PRORP: variants seen among roughly 807,000 people sequenced by gnomAD.
The protein encoded by PRORP is mitochondrial ribonuclease P catalytic subunit.
A neutral mutation model predicts 59.4 loss-of-function variants in PRORP; 51 were observed. That is an observed-to-expected ratio of 0.86 (90% CI 0.69 to 1.08). PRORP has a LOEUF of 1.08. Ranked by LOEUF, PRORP falls within the 50% of genes least tolerant of loss-of-function variation. PRORP has a pLI of 0.00. For missense variants in PRORP, 646 were observed against 690.3 expected (o/e 0.94, Z 0.72); for synonymous variants, 231 against 245.6 (o/e 0.94, Z 0.55).
chr14:35,178,033 A>G (rs373951422), intron 4 of PRORP, among the ~76,000 whole-genome samples: 11 of 152,222 alleles, frequency 7.2e-5, no homozygotes, highest in South Asian at 2.1e-4. Flanking sequence ...AGGTTGTTCA[A>G]TTTCCATGTA....
At position 35,202,115 on chromosome 14, in the gene PRORP, G is replaced by A. The variant is rs1262752489; in HGVS notation, c.1275+21338G>A. The stretch of plus-strand genomic sequence containing the variant: ...CTCCCGAGTAGCTGGGACTACAGGC[G>A]CCCGCCACCACGCCCGGCTAACTTT... On this transcript the variant is annotated intron_variant, in intron 5 of 7. Coordinates refer to ENST00000534898, the MANE Select transcript of PRORP (RefSeq NM_014672.4). 2.6e-5 allele frequency among the ~76,000 whole-genome samples: 4 copies of A among 151,384 alleles called. No individual in the cohort carries two copies. The South Asian group carries it at 6.3e-4, about 24-fold the overall frequency.
rs1427442577 is a variant in PRORP, at chr14:35,138,745, A to C, written c.1167+11134A>C. Among the ~76,000 whole-genome samples, 3 of 144,812 alleles carry C rather than the reference A, an allele frequency of 2.1e-5. 1 individual carries two copies. The highest frequency in any genetic ancestry group is 4.6e-5 in the Non-Finnish European group (3 of 65,320). The stretch of plus-strand genomic sequence containing the variant: ...TTCAACTGTGGCTGCTGGTTAGAAT[A>C]CTTGGGAAGTGTTTAAAACTGCTAC... On this transcript the variant is annotated intron_variant, in intron 4 of 7. Coordinates refer to ENST00000534898, the MANE Select transcript of PRORP (RefSeq NM_014672.4).
chr14:35,128,419 T>A (rs763503012), intron 4 of PRORP, among the ~76,000 whole-genome samples: 3 of 152,154 alleles, frequency 2.0e-5, no homozygotes, highest in Non-Finnish European at 1.5e-5. Context: ...GGATTGCTAT[T>A]ATTCTTTAAA....
At chr14:35,256,806 A>G (rs192356054) in intron 5 of PRORP, among the ~76,000 whole-genome samples, 12 of 152,058 alleles carry the variant, frequency 7.9e-5, no homozygotes, top group Middle Eastern at 3.4e-3. Flanking sequence ...CGATGGGTAC[A>G]TGGCAGTTCA....
chr14:35,220,893 T>G (rs1336508855), intron 5 of PRORP, among the ~76,000 whole-genome samples: 2 of 152,130 alleles, frequency 1.3e-5, no homozygotes, highest in Non-Finnish European at 2.9e-5. Context: ...ACAAATAAAT[T>G]GCAAGACACT....
Position 35,123,765 on chromosome 14 carries a change from A to C in PRORP, c.520A>C (p.Ser174Arg). The change falls in exon 2 of 8, where the codon AGT (serine) becomes CGT (arginine). Residue 174 changes from serine to arginine, a missense_variant. Transcript: ENST00000534898. ...AGCAGCCAAAAATAATGGTATTGTA[A>C]GTTACGATTTACTGGTCAAGTATTT... ...WVAAKNNGIV[S>R]YDLLVKYLYL... 1 of 1,614,206 alleles carries C rather than the reference A, an allele frequency of 6.2e-7. No individual in the cohort carries two copies. The highest frequency in any genetic ancestry group is 8.5e-7 in the Non-Finnish European group (1 of 1,180,026).
intron 7 of PRORP, 34 bp from the exon 8 acceptor site, chr14:35,273,401 T>C: frequency 6.3e-7 from 1 of 1,586,404 alleles, no homozygotes; most frequent in Non-Finnish European, 8.6e-7. Context: ...TTTAGTGTTG[T>C]TCTCAATGTT....
chr14:35,239,038 G>T (rs778963274), intron 5 of PRORP, among the ~76,000 whole-genome samples: 10 of 152,018 alleles, frequency 6.6e-5, no homozygotes, highest in Non-Finnish European at 1.0e-4. Context: ...GCTGTGACTT[G>T]CCCAGAGGTA....
rs2050179004 is a variant in PRORP at position 35,235,215 on chromosome 14, C to T, written c.1276-31512C>T. On this transcript the variant is annotated intron_variant, in intron 5 of 7. Transcript: ENST00000534898. The stretch of plus-strand genomic sequence containing the variant: ...GAAAGTTCTTTAGCCTTTGCCTTTT[C>T]GAGCTTGGTGATGCGAGCCACAGAC... The T allele has an allele frequency of 1.4e-5, 10 of 716,580 alleles. No individual in the cohort carries two copies. In the East Asian group the frequency reaches 1.6e-4, roughly 11 times the overall value. 44.4% of individuals were successfully genotyped at this position (716,580 alleles called of 1,614,324 possible).
intron 5 of PRORP, among the ~76,000 whole-genome samples, chr14:35,186,313 G>C (rs1398691178): frequency 6.6e-6 from 1 of 150,982 alleles, no homozygotes; most frequent in Non-Finnish European, 1.5e-5. Context: ...TGGAGACTTG[G>C]CCAAGTCATG....
intron 4 of PRORP, among the ~76,000 whole-genome samples, chr14:35,132,020 A>G (rs2047254095): frequency 6.6e-6 from 1 of 150,824 alleles, no homozygotes; most frequent in South Asian, 2.1e-4. Flanking sequence ...TTGTATTTTT[A>G]GTAGCGACGG....
chr14:35,131,929 T>C (rs1228937108), intron 4 of PRORP, among the ~76,000 whole-genome samples: 5 of 151,824 alleles, frequency 3.3e-5, no homozygotes, highest in Non-Finnish European at 7.4e-5. Flanking sequence ...AACCTCCGCC[T>C]CCCAGGTTCA....
chr14:35,271,117 A>G (rs548075765), intron 7 of PRORP, among the ~76,000 whole-genome samples: 1 of 149,752 alleles, frequency 6.7e-6, no homozygotes, highest in Non-Finnish European at 1.5e-5. Context: ...AGGATATACC[A>G]GTTTTGACTT....
chr14:35,240,676 A>C (rs780080924), intron 5 of PRORP, among the ~76,000 whole-genome samples: 1 of 152,158 alleles, frequency 6.6e-6, no homozygotes, highest in African/African-American at 2.4e-5. Flanking sequence ...ATCTTCACCT[A>C]TTGAGTTACC....
At chr14:35,144,207 G>A in intron 4 of PRORP, 1 of 150,082 alleles carries the variant, frequency 6.7e-6, no homozygotes, top group Non-Finnish European at 1.5e-5. Context: ...GAACACAGAT[G>A]TGGTATTGTC....
chr14:35,180,737 A>G lies in PRORP; in HGVS notation c.1235A>G (p.Asn412Ser), dbSNP rs148259590. ...PPFDVVIDGLNVAKMFPKVRE... is the reference protein window; with the variant it reads ...PPFDVVIDGLSVAKMFPKVRE... ...TTTGATGTTGTCATTGATGGTCTCA[A>G]TGTTGCCAAAATGTTTCCTAAAGTT... The change falls in exon 5 of 8, where the codon AAT (asparagine) becomes AGT (serine). Residue 412 changes from asparagine to serine, a missense_variant. Coordinates refer to ENST00000534898, the MANE Select transcript of PRORP (RefSeq NM_014672.4). The G allele has an allele frequency of 1.7e-4, 273 of 1,613,078 alleles. No homozygotes were observed. The highest frequency in any genetic ancestry group is 6.1e-4 in the African/African-American group (46 of 75,024).
intron 5 of PRORP, among the ~76,000 whole-genome samples, chr14:35,242,867 C>T (rs748040866): frequency 1.3e-5 from 2 of 152,118 alleles, no homozygotes; most frequent in African/African-American, 2.4e-5. Flanking sequence ...GCTACTGTCC[C>T]CAAAGATTGG....
intron 4 of PRORP, among the ~76,000 whole-genome samples, chr14:35,177,174 G>A (rs1285724690): frequency 7.0e-6 from 1 of 143,726 alleles, no homozygotes; most frequent in East Asian, 2.1e-4. Context: ...TTCCATCGAT[G>A]TTCATCTGGG....
intron 6 of PRORP, among the ~76,000 whole-genome samples, chr14:35,269,315 A>T (rs1416459592): frequency 3.3e-5 from 5 of 152,344 alleles, no homozygotes; most frequent in African/African-American, 1.2e-4. Context: ...TGGAAAAATT[A>T]GATAAATTTG....
Sources: gnomAD v4.1 joint callset for allele counts (sites outside exome capture counted in the v4.1 genomes callset) on GRCh38, gnomAD v4.1.1 for gene constraint, MANE v1.5 for transcripts, NCBI Gene and HGNC (gene_info 2026-07-23, HGNC 2026-07-21) for gene names.